The following ABI3BP variants were observed in gnomAD, a reference collection of about 807,000 sequenced individuals.
The protein encoded by ABI3BP is ABI family member 3 binding protein.
Under a neutral mutation model 268.6 loss-of-function variants are expected in ABI3BP, and 216 were observed. The ratio of observed to expected loss-of-function variants is 0.80; its 90% confidence interval spans 0.72 to 0.90. The LOEUF (loss-of-function observed/expected upper bound fraction) is 0.90, where lower values mean the gene tolerates loss of function less well. ABI3BP is among the 40% of genes least tolerant of loss of function. The pLI is 0.00. For missense variants in ABI3BP, 2,090 were observed against 2,182.4 expected (o/e 0.96, Z 0.84); for synonymous variants, 730 against 730.0 (o/e 1.00, Z 0.00).
At chr3:100,881,676 G>A (rs1334109524) in intron 6 of ABI3BP, among the ~76,000 whole-genome samples, 2 of 149,946 alleles carry the variant, frequency 1.3e-5, no homozygotes, top group Non-Finnish European at 1.5e-5. Flanking sequence ...TCTCTAAATG[G>A]AAAAAAAAAG....
rs530960201 is a variant in ABI3BP at position 100,777,157 on chromosome 3, C to T, written c.4333+1127G>A. Among the ~76,000 whole-genome samples the T allele has an allele frequency of 3.3e-5, 5 of 152,342 alleles. No individual in the cohort carries two copies. The East Asian group carries it at 9.7e-4, about 29-fold the overall frequency. On this transcript the variant is annotated intron_variant, in intron 59 of 67. Coordinates refer to ENST00000471714, the MANE Select transcript of ABI3BP (RefSeq NM_001375547.2). ...CCTACAAGCTCCATCACAACAGCCT[C>T]CTTTCATCCTGTGAGAACAGTGACA...
chr3:100,857,965 T>C (rs1449602955), intron 14 of ABI3BP, among the ~76,000 whole-genome samples: 1 of 152,252 alleles, frequency 6.6e-6, no homozygotes, highest in Non-Finnish European at 1.5e-5. Flanking sequence ...TTCATCTGAA[T>C]GGAAGACACT....
intron 37 of ABI3BP, among the ~76,000 whole-genome samples, chr3:100,823,188 AAT>A (rs894426716): frequency 1.3e-5 from 2 of 152,194 alleles, no homozygotes; most frequent in Non-Finnish European, 1.5e-5. Context: ...GAAACCCACT[AAT>A]ATGTTTGAAA....
At chr3:100,829,548 T>G (rs1411727604) in intron 33 of ABI3BP, 33 bp downstream of exon 33, 1 of 1,516,900 alleles carries the variant, frequency 6.6e-7, no homozygotes, top group Non-Finnish European at 8.9e-7. Flanking sequence ...GGGTGGGCTG[T>G]TAGGATTCCT....
intron 26 of ABI3BP, 89 bp from the exon 27 acceptor site, chr3:100,837,260 C>G (rs1044809093): frequency 5.9e-6 from 6 of 1,021,150 alleles, no homozygotes; most frequent in Non-Finnish European, 8.5e-6. Context: ...TCAGAGGACA[C>G]AGAGTCTAGT....
intron 2 of ABI3BP, among the ~76,000 whole-genome samples, 187 bp downstream of exon 2, chr3:100,926,115 A>G (rs1357510802): frequency 6.6e-6 from 1 of 152,164 alleles, no homozygotes. Context: ...TCTGCATGTA[A>G]TAATTTTTTT....
intron 50 of ABI3BP, among the ~76,000 whole-genome samples, chr3:100,806,715 C>G (rs923417806): frequency 1.3e-5 from 2 of 152,048 alleles, no homozygotes; most frequent in African/African-American, 2.4e-5. Context: ...CATCAGAAGG[C>G]TCTCTCATTA....
At chr3:100,881,332 G>A (rs1354218990) in intron 6 of ABI3BP, among the ~76,000 whole-genome samples, 1 of 152,000 alleles carries the variant, frequency 6.6e-6, no homozygotes, top group Admixed American at 6.6e-5. Flanking sequence ...TTTAACAAGT[G>A]GTACCACTTC....
intron 2 of ABI3BP, chr3:100,911,613 G>A: frequency 1.5e-6 from 1 of 685,672 alleles, no homozygotes; most frequent in Non-Finnish European, 2.7e-6. Context: ...TGTTTTTACT[G>A]CTTGGCTAAA....
chr3:100,755,806 A>T (rs2095585051), intron 63 of ABI3BP, among the ~76,000 whole-genome samples: 1 of 152,222 alleles, frequency 6.6e-6, no homozygotes. Context: ...GAGTCAGCTA[A>T]TAATATTTTG....
intron 51 of ABI3BP, among the ~76,000 whole-genome samples, chr3:100,800,796 C>T (rs1264432512): frequency 1.3e-5 from 2 of 152,172 alleles, no homozygotes; most frequent in African/African-American, 4.8e-5. Context: ...CTTTTTATAC[C>T]TCTGAATCTT....
intron 2 of ABI3BP, among the ~76,000 whole-genome samples, chr3:100,924,606 G>T (rs955482494): frequency 3.9e-5 from 6 of 152,000 alleles, no homozygotes; most frequent in Non-Finnish European, 1.5e-5. Context: ...TCTTTCCTTG[G>T]TTGTCTGAAA....
At chr3:100,773,845 A>T (rs575367960) in intron 61 of ABI3BP, among the ~76,000 whole-genome samples, 1 of 152,252 alleles carries the variant, frequency 6.6e-6, no homozygotes, top group Admixed American at 6.5e-5. Context: ...CAACAAAAAG[A>T]GTTCATACTG....
intron 1 of ABI3BP, among the ~76,000 whole-genome samples, chr3:100,992,053 A>G (rs1484770113): frequency 2.0e-5 from 3 of 152,198 alleles, no homozygotes; most frequent in South Asian, 2.1e-4. Flanking sequence ...CTCATAATTG[A>G]TTTATTTAAA....
At chr3:100,755,135 C>G (rs1576576566) in intron 63 of ABI3BP, among the ~76,000 whole-genome samples, 1 of 152,302 alleles carries the variant, frequency 6.6e-6, no homozygotes, top group East Asian at 1.9e-4. Context: ...GGCCATCTTT[C>G]TCACTGTGGA....
intron 1 of ABI3BP, among the ~76,000 whole-genome samples, chr3:100,971,818 G>C (rs1323778562): frequency 6.6e-6 from 1 of 152,084 alleles, no homozygotes; most frequent in African/African-American, 2.4e-5. Context: ...CTTTGTCCCA[G>C]CAAAACCACA....
intron 61 of ABI3BP, 27 bp downstream of exon 61, chr3:100,774,578 G>T: frequency 6.5e-7 from 1 of 1,532,538 alleles, no homozygotes; most frequent in Non-Finnish European, 8.8e-7. Flanking sequence ...CTTTTCAAAT[G>T]TGAGATTCAC....
At chr3:100,940,334 G>A (rs1437041235) in intron 1 of ABI3BP, among the ~76,000 whole-genome samples, 1 of 151,966 alleles carries the variant, frequency 6.6e-6, no homozygotes. Context: ...AATTATAAAA[G>A]TATTAATTTG....
chr3:100,846,387 T>C lies in ABI3BP; in HGVS notation c.1708A>G (p.Thr570Ala). ...GGGTAATTACCAGGTTTGGTGTGTG[T>C]CACTTCTGGGCTGAGAGGGATTTTA... is the stretch of plus-strand genomic sequence containing the variant. ...KPKIPLSPEV[T>A]HTKPAPEPQT... The change falls in exon 20 of 68, where the codon ACA becomes GCA. Residue 570 changes from threonine to alanine, a missense_variant. Thr to Ala is a moderately conservative substitution (Grantham distance 58). Coordinates refer to ENST00000471714, the MANE Select transcript of ABI3BP (RefSeq NM_001375547.2). The C allele has an allele frequency of 6.2e-7, 1 of 1,600,038 alleles. No homozygotes were observed. The highest frequency in any genetic ancestry group is 8.5e-7 in the Non-Finnish European group (1 of 1,172,676).
Sources: allele counts gnomAD v4.1 joint callset (sites outside exome capture counted in the v4.1 genomes callset), GRCh38; gene constraint gnomAD v4.1.1; transcripts MANE v1.5; gene names NCBI Gene and HGNC (gene_info 2026-07-23, HGNC 2026-07-21).